Variants in DOCK8 observed in about 807,000 individuals in gnomAD.
The protein encoded by DOCK8 is dedicator of cytokinesis 8.
In DOCK8, 141 loss-of-function variants were observed where a neutral mutation model predicts 245.6. That is an observed-to-expected ratio of 0.57 (90% CI 0.50 to 0.66). DOCK8 has a LOEUF of 0.66. DOCK8 is among the 30% of genes least tolerant of loss of function. The probability of loss-of-function intolerance (pLI) is 0.00; values close to 1 mark genes in which losing one functional copy is unlikely to be tolerated. For missense variants in DOCK8, 2,965 were observed against 2,603.4 expected, an observed-to-expected ratio of 1.14 and a Z score of -3.02; for synonymous variants, 1,168 against 970.2, an observed-to-expected ratio of 1.20 and a Z score of -3.79.
chr9:368,277 C>A lies in DOCK8; in HGVS notation c.1797+142C>A, dbSNP rs1363838913. ...TCAGCATGTGCAAGGGCTTCTGTGC[C>A]CAGGATATCAGTGGGGAAACAGGGT... On this transcript the variant is annotated intron_variant, in intron 15 of 47. Coordinates refer to ENST00000432829, the MANE Select transcript of DOCK8 (RefSeq NM_203447.4). The A allele has an allele frequency of 3.7e-6, 3 of 804,714 alleles. No homozygotes were observed. In the South Asian group the frequency reaches 4.0e-5, roughly 11 times the overall value. The allele number at this position is 804,714 out of a possible 1,614,324, so 49.8% of individuals were successfully genotyped here.
At chr9:348,705 A>T (rs1203984202) in intron 14 of DOCK8, among the ~76,000 whole-genome samples, 1 of 152,210 alleles carries the variant, frequency 6.6e-6, no homozygotes, top group African/African-American at 2.4e-5. Flanking sequence ...TTTGATTTCT[A>T]TACTTTTGTT....
intron 15 of DOCK8, chr9:368,672 T>C (rs1426093575): frequency 6.6e-6 from 1 of 152,196 alleles, no homozygotes; most frequent in Non-Finnish European, 1.5e-5. Context: ...TATATATATA[T>C]ATATATAAAA....
chr9:257,625 T>C (rs2047811539), intron 1 of DOCK8, among the ~76,000 whole-genome samples: 1 of 152,178 alleles, frequency 6.6e-6, no homozygotes, highest in South Asian at 2.1e-4. Context: ...GTTCAAGCGA[T>C]TCTCCTGCCT....
At chr9:270,402 T>C (rs62533371) in intron 1 of DOCK8, among the ~76,000 whole-genome samples, 9,318 of 152,260 alleles carry the variant, frequency 0.061, 303 homozygotes, top group South Asian at 0.071. Flanking sequence ...CTCTTTTGAT[T>C]TGTGTTTCTG....
chr9:387,169 C>T (rs1408830037), intron 23 of DOCK8, among the ~76,000 whole-genome samples: 1 of 152,094 alleles, frequency 6.6e-6, no homozygotes, highest in African/African-American at 2.4e-5. Flanking sequence ...TATGGCAGGG[C>T]ACAGTGGTTC....
intron 1 of DOCK8, among the ~76,000 whole-genome samples, chr9:269,717 G>A (rs1222762870): frequency 6.6e-6 from 1 of 151,768 alleles, no homozygotes. Context: ...CACCACACCT[G>A]GCTAATTTTT....
chr9:381,162 C>T (rs911189644), intron 21 of DOCK8: 5 of 152,290 alleles, frequency 3.3e-5, no homozygotes, highest in Admixed American at 1.3e-4. Context: ...CAGGACAATA[C>T]AAAACTTACA....
At chr9:220,091 G>T (rs1266302057) in intron 1 of DOCK8, among the ~76,000 whole-genome samples, 1 of 152,226 alleles carries the variant, frequency 6.6e-6, no homozygotes, top group African/African-American at 2.4e-5. Context: ...GTGGCTGGCA[G>T]AGTGAGGTAG....
upstream of DOCK8, chr9:214,338 A>T (rs1273401772): frequency 1.6e-6 from 1 of 643,832 alleles, no homozygotes. Flanking sequence ...GAGAACTCAT[A>T]ATGTTTATTC....
At position 268,855 on chromosome 9, in the gene DOCK8, C is replaced by A. The variant is rs540466046; in HGVS notation, c.54-2772C>A. Reference sequence around the variant, plus strand: ...GTGCCAAACACAAGACACATTGTTGCTCATGCAATATAGACCTTTGTTTTG... The same window carrying A: ...GTGCCAAACACAAGACACATTGTTGATCATGCAATATAGACCTTTGTTTTG... On this transcript the variant is annotated intron_variant, in intron 1 of 47. Coordinates refer to ENST00000432829, the MANE Select transcript of DOCK8 (RefSeq NM_203447.4). Among the ~76,000 whole-genome samples the A allele has an allele frequency of 2.0e-5, 3 of 152,298 alleles. No individual in the cohort carries two copies. The South Asian group carries it at 6.2e-4, about 32-fold the overall frequency.
At chr9:416,694 C>G (rs2056029098) in intron 29 of DOCK8, among the ~76,000 whole-genome samples, 2 of 152,136 alleles carry the variant, frequency 1.3e-5, no homozygotes, top group African/African-American at 4.8e-5. Flanking sequence ...ATATAAGTGA[C>G]CTTTGAAAGG....
At chr9:396,485 G>T (rs527272585) in intron 24 of DOCK8, among the ~76,000 whole-genome samples, 1 of 152,186 alleles carries the variant, frequency 6.6e-6, no homozygotes, top group Non-Finnish European at 1.5e-5. Flanking sequence ...TGCCTTCCAG[G>T]ATGTAGGCAG....
At chr9:239,562 G>T (rs777918978) in intron 1 of DOCK8, among the ~76,000 whole-genome samples, 15 of 152,162 alleles carry the variant, frequency 9.9e-5, no homozygotes, top group Non-Finnish European at 1.6e-4. Flanking sequence ...ACTGTAGTCA[G>T]GGATTAGAGA....
chr9:457,931 G>A (rs13293132), intron 46 of DOCK8, among the ~76,000 whole-genome samples: 8,508 of 152,212 alleles, frequency 0.056, 278 homozygotes, highest in Middle Eastern at 0.085. Context: ...ATGACATGAA[G>A]AGGTTAAGTA....
chr9:225,611 C>A (rs905361828), intron 1 of DOCK8, among the ~76,000 whole-genome samples: 5 of 152,108 alleles, frequency 3.3e-5, no homozygotes, highest in African/African-American at 4.8e-5. Flanking sequence ...ATGTGCCTAG[C>A]ACTATTCTAA....
At chr9:376,129 A>T in intron 18 of DOCK8, 81 bp from the exon 19 acceptor site, 1 of 950,786 alleles carries the variant, frequency 1.1e-6, no homozygotes, top group Non-Finnish European at 1.7e-6. Context: ...TGACATTTCC[A>T]GTCAAGTTGG....
chr9:396,018 CTATA>C (rs1456040956), intron 24 of DOCK8, among the ~76,000 whole-genome samples: 6 of 151,746 alleles, frequency 4.0e-5, no homozygotes, highest in Non-Finnish European at 8.8e-5. Context: ...ACAAAGATAT[CTATA>C]TAGAGATACT....
chr9:286,570 A>G lies in DOCK8; in HGVS notation c.266A>G (p.Asp89Gly), dbSNP rs746283338. 2 of 1,613,776 alleles carry G rather than the reference A, an allele frequency of 1.2e-6. No individual in the cohort carries two copies. The highest frequency in any genetic ancestry group is 2.2e-5 in the East Asian group (1 of 44,882). The change falls in exon 3 of 48, where the codon GAC becomes GGC. Residue 89 changes from aspartate (D) to glycine (G), a missense_variant. By Grantham distance (94) the Asp-to-Gly change is moderately conservative. Transcript: ENST00000432829. ...LAQELGDFTD[D>G]DLDVVFTPKE... is the part of the protein sequence containing the mutation. ...CAGGAGCTCGGGGACTTCACTGATG[A>G]CGACTTGGACGTGGTGTTCACGCCA...
Position 249,001 on chromosome 9 carries a change from A to T in DOCK8, c.54-22626A>T, listed in dbSNP as rs544364031. On this transcript the variant is annotated intron_variant, in intron 1 of 47. Coordinates refer to ENST00000432829, the MANE Select transcript of DOCK8 (RefSeq NM_203447.4). The stretch of plus-strand genomic sequence containing the variant: ...GGAAAGAGGGCTGCCTCCACCACAG[A>T]CAGGTAGTGGGAGGTCCCACTCTTC... 1.6e-4 allele frequency among the ~76,000 whole-genome samples: 25 copies of T among 152,322 alleles called. 1 individual carries two copies. The South Asian group carries it at 5.0e-3, about 30-fold the overall frequency.
Sources: allele counts gnomAD v4.1 joint callset (sites outside exome capture counted in the v4.1 genomes callset), GRCh38; gene constraint gnomAD v4.1.1; transcripts MANE v1.5; gene names NCBI Gene and HGNC (gene_info 2026-07-23, HGNC 2026-07-21).